P2RY8: variants seen among roughly 807,000 people sequenced by gnomAD.
The protein encoded by P2RY8 is S-geranylgeranyl-glutathione receptor P2RY8.
P2RY8 carries 6 observed loss-of-function variants against 10.0 expected under a neutral mutation model. That is an observed-to-expected ratio of 0.60 (90% confidence interval 0.33 to 1.19). The LOEUF is 1.19. Ranked by LOEUF, P2RY8 falls within the 50% of genes most tolerant of loss-of-function variation. The probability of loss-of-function intolerance (pLI) is 0.04; values close to 1 mark genes in which losing one functional copy is unlikely to be tolerated. For synonymous variants in P2RY8, 276 were observed against 252.5 expected (o/e 1.09, Z -0.88); for missense variants, 456 against 542.0 (o/e 0.84, Z 1.58).
intron 1 of P2RY8, among the ~76,000 whole-genome samples, chrX:1,520,980 C>G (rs2092385973): frequency 6.6e-6 from 1 of 151,108 alleles, no homozygotes; most frequent in African/African-American, 2.4e-5. Flanking sequence ...CCAATCATCT[C>G]CTTGGCCCCC....
chrX:1,474,235 T>G (rs1232879291), intron 1 of P2RY8, among the ~76,000 whole-genome samples: 1 of 151,152 alleles, frequency 6.6e-6, no homozygotes, highest in African/African-American at 2.4e-5. Context: ...AATAGATGGA[T>G]GAGTGGGAGG....
chrX:1,481,273 A>G (rs2091932410), intron 1 of P2RY8, among the ~76,000 whole-genome samples: 1 of 151,688 alleles, frequency 6.6e-6, no homozygotes, highest in Non-Finnish European at 1.5e-5. Context: ...GGTTCAAGCC[A>G]TTCTCCTGCC....
At chrX:1,509,412 C>G (rs868748441) in intron 1 of P2RY8, among the ~76,000 whole-genome samples, 3 of 124,146 alleles carry the variant, frequency 2.4e-5, no homozygotes, top group African/African-American at 8.6e-5. Context: ...ATCTATCTAT[C>G]TATTTCTATT....
intron 1 of P2RY8, among the ~76,000 whole-genome samples, chrX:1,533,297 A>T (rs2092493976): frequency 6.7e-6 from 1 of 149,486 alleles, no homozygotes. Context: ...TCTTCTGAGG[A>T]GTGTGCTTTC....
rs1184803940 is a variant in P2RY8 at position 1,514,878 on chromosome X, CTT to C, written c.-25+22041_-25+22042del. Among the ~76,000 whole-genome samples, 14 of 34,776 alleles carry C rather than the reference CTT, an allele frequency of 4.0e-4. No homozygotes were observed. The East Asian group carries it at 7.7e-3, about 19-fold the overall frequency. The allele number at this position is 34,776 out of a possible 152,430, so 22.8% of individuals were successfully genotyped here. ...CCCCCTCCCCCTCCCCTTCCCCTGT[CTT>C]CCTCTCCCCTCCCCTTCCCCTCCCC... On this transcript the variant is annotated intron_variant, in intron 1 of 1. Transcript: ENST00000381297.
rs1353763659 is a variant in P2RY8, at chrX:1,480,391, G to A, written c.-24-13809C>T. Among the ~76,000 whole-genome samples, 14 of 72,092 alleles carry A rather than the reference G, an allele frequency of 1.9e-4. No homozygotes were observed. The East Asian group carries it at 2.8e-3, about 15-fold the overall frequency. 47.3% of individuals were successfully genotyped at this position (72,092 alleles called of 152,430 possible). ...TGGCTCACTGCAGCTTGCGCTTCCC[G>A]GGTTTTTTTTTTTTTGAGACAGGGC... On this transcript the variant is annotated intron_variant, in intron 1 of 1. Coordinates refer to ENST00000381297, the MANE Select transcript of P2RY8 (RefSeq NM_178129.5).
intron 1 of P2RY8, among the ~76,000 whole-genome samples, chrX:1,535,726 CAG>C (rs10563406): frequency 0.69 from 89,828 of 130,688 alleles, 28,332 homozygotes; most frequent in East Asian, 0.89. Flanking sequence ...GACACACACA[CAG>C]ACACACACAC....
In P2RY8 at chrX:1,500,446, TTTTTTTTTTG is replaced by T. The variant is rs1466376879; in HGVS notation, c.-24-33874_-24-33865del. On this transcript the variant is annotated intron_variant, in intron 1 of 1. Transcript: ENST00000381297. The stretch of plus-strand genomic sequence containing the variant: ...GCGTGCACCACCATGCCCAGCTAAT[TTTTTTTTTTG>T]TTTTTTGAGACGGAGTCTCACTCTG... Among the ~76,000 whole-genome samples, 3 of 149,180 alleles carry T rather than the reference TTTTTTTTTTG, an allele frequency of 2.0e-5. No individual in the cohort carries two copies. The East Asian group carries it at 5.9e-4, about 29-fold the overall frequency.
chrX:1,464,614 A>T lies in P2RY8; in HGVS notation c.*865T>A, dbSNP rs771660457. On this transcript the variant is annotated 3_prime_UTR_variant, in exon 2 of 2. Coordinates refer to ENST00000381297, the MANE Select transcript of P2RY8 (RefSeq NM_178129.5). ...CCATCTCACGGAGCCTCCTTTCCGC[A>T]CCTGGGCCTCCCGTGGTCCTTGTCC... 6 of 233,242 alleles carry T rather than the reference A, an allele frequency of 2.6e-5. No homozygotes were observed. Among genetic ancestry groups the T allele is most frequent in the Admixed American group, 2.3e-4 (4 of 17,774 alleles). 14.4% of individuals were successfully genotyped at this position (233,242 alleles called of 1,614,324 possible).
At chrX:1,479,938 A>G (rs113642278) in intron 1 of P2RY8, among the ~76,000 whole-genome samples, 4,830 of 152,314 alleles carry the variant, frequency 0.032, 259 homozygotes, top group African/African-American at 0.11. Context: ...ACACAAGAAG[A>G]AACAGCCAAT....
intron 1 of P2RY8, among the ~76,000 whole-genome samples, chrX:1,484,986 CTT>C (rs773650240): frequency 0.041 from 3,354 of 81,416 alleles, 102 homozygotes; most frequent in African/African-American, 0.1. Context: ...GTAATAATGT[CTT>C]TTTTTTTTTT....
At chrX:1,488,084 T>C (rs1247867570) in intron 1 of P2RY8, among the ~76,000 whole-genome samples, 1 of 150,788 alleles carries the variant, frequency 6.6e-6, no homozygotes, top group Non-Finnish European at 1.5e-5. Context: ...CACTCCAGCC[T>C]GGCCAACAAG....
At chrX:1,467,949 G>C (rs2091714132) in intron 1 of P2RY8, among the ~76,000 whole-genome samples, 1 of 151,400 alleles carries the variant, frequency 6.6e-6, no homozygotes, top group South Asian at 2.1e-4. Context: ...GAGTAGCTGG[G>C]ACTACAGGTG....
At chrX:1,521,216 T>G (rs2092388855) in intron 1 of P2RY8, among the ~76,000 whole-genome samples, 1 of 151,860 alleles carries the variant, frequency 6.6e-6, no homozygotes, top group African/African-American at 2.4e-5. Context: ...GTCCAGCTAA[T>G]TTTTGTATTT....
intron 1 of P2RY8, among the ~76,000 whole-genome samples, chrX:1,499,265 C>T (rs1407422882): frequency 1.5e-4 from 22 of 149,998 alleles, no homozygotes; most frequent in African/African-American, 4.2e-4. Context: ...CAGGTTCAAG[C>T]GATTTTCCTG....
intron 1 of P2RY8, among the ~76,000 whole-genome samples, chrX:1,484,755 G>A (rs555943253): frequency 0.16 from 13,078 of 79,380 alleles, 875 homozygotes; most frequent in Non-Finnish European, 0.24. Flanking sequence ...AAAAGAAGAA[G>A]AAGAAGAAGA....
chrX:1,524,645 A>ATCCATCCATCCATCCATC (rs1569538712), intron 1 of P2RY8, among the ~76,000 whole-genome samples: 1 of 42,222 alleles, frequency 2.4e-5, no homozygotes, highest in Non-Finnish European at 4.6e-5. Flanking sequence ...ATCCATCCAT[A>ATCCATCCATCCATCCATC]CATCCATCCA....
chrX:1,510,437 G>T (rs1456616967), intron 1 of P2RY8, among the ~76,000 whole-genome samples: 1 of 152,046 alleles, frequency 6.6e-6, no homozygotes, highest in Non-Finnish European at 1.5e-5. Flanking sequence ...GCTCACTCAC[G>T]GATCCCCTGC....
chrX:1,487,253 C>T (rs1201377789), intron 1 of P2RY8, among the ~76,000 whole-genome samples: 1 of 152,206 alleles, frequency 6.6e-6, no homozygotes, highest in East Asian at 1.9e-4. Flanking sequence ...TTCCCGGCCA[C>T]ACAGAGCTTC....
Sources: gnomAD v4.1 joint callset for allele counts (sites outside exome capture counted in the v4.1 genomes callset) on GRCh38, gnomAD v4.1.1 for gene constraint, MANE v1.5 for transcripts, NCBI Gene and HGNC (gene_info 2026-07-23, HGNC 2026-07-21) for gene names.